The following PAX8 variants were observed in gnomAD, a reference collection of about 807,000 sequenced individuals.
PAX8 encodes paired box protein Pax-8.
In PAX8, 15 loss-of-function variants were observed where a neutral mutation model predicts 52.4. That is an observed-to-expected ratio of 0.29 (90% confidence interval 0.19 to 0.44). The LOEUF (loss-of-function observed/expected upper bound fraction) is 0.44, where lower values mean the gene tolerates loss of function less well. PAX8 is among the 20% of genes least tolerant of loss of function. PAX8 has a pLI of 1.00. For synonymous variants in PAX8, 284 were observed against 249.7 expected, an observed-to-expected ratio of 1.14 and a Z score of -1.29; for missense variants, 554 against 602.5, an observed-to-expected ratio of 0.92 and a Z score of 0.84.
chr2:113,265,458 G>C (rs1420954540), intron 2 of PAX8: 1 of 152,386 alleles, frequency 6.6e-6, no homozygotes, highest in Non-Finnish European at 1.5e-5. Context: ...TGTTCCCATT[G>C]CTGTCTCCTT....
In PAX8 at chr2:113,242,116, C is replaced by T; in HGVS notation, c.493G>A (p.Val165Ile). 6.2e-7 allele frequency: 1 copy of T among 1,613,614 alleles called. No individual in the cohort carries two copies. The highest frequency in any genetic ancestry group is 2.2e-5 in the East Asian group (1 of 44,840). The change falls in exon 6 of 12, where the codon GTA becomes ATA. Residue 165 changes from valine (V) to isoleucine (I), a missense_variant. Physicochemically the swap from Val to Ile is conservative, Grantham distance 29. Coordinates refer to ENST00000429538, the MANE Select transcript of PAX8 (RefSeq NM_003466.4). ...PGHTLIPSSA[V>I]TPPESPQSDS... ...GACTGGGGTGACTCCGGGGGAGTTA[C>T]AGCTGAGCTGGGGACTGCAGTGGGG...
intron 8 of PAX8, 51 bp downstream of exon 8, chr2:113,236,550 G>GA: frequency 6.5e-7 from 1 of 1,535,314 alleles, no homozygotes; most frequent in Non-Finnish European, 8.8e-7. Context: ...AGCCAGCCAA[G>GA]CTCTTCAGTC....
chr2:113,261,451 G>C (rs1469777465), intron 2 of PAX8, among the ~76,000 whole-genome samples: 1 of 152,196 alleles, frequency 6.6e-6, no homozygotes, highest in Non-Finnish European at 1.5e-5. Context: ...CACTGGGCGT[G>C]CCATAAGATG....
chr2:113,229,584 T>A (rs1689770744), intron 9 of PAX8, among the ~76,000 whole-genome samples: 1 of 152,214 alleles, frequency 6.6e-6, no homozygotes, highest in Non-Finnish European at 1.5e-5. Flanking sequence ...TACAGGTGTG[T>A]TCAGTTTACC....
chr2:113,260,496 G>A (rs1573519385), intron 2 of PAX8, among the ~76,000 whole-genome samples: 1 of 151,682 alleles, frequency 6.6e-6, no homozygotes, highest in East Asian at 1.9e-4. Flanking sequence ...CTCAGAGATG[G>A]GTAAGGAGGG....
chr2:113,242,503 T>C (rs1375427698), intron 5 of PAX8, among the ~76,000 whole-genome samples, 187 bp downstream of exon 5: 2 of 152,134 alleles, frequency 1.3e-5, no homozygotes, highest in Admixed American at 6.5e-5. Flanking sequence ...GTTCAGTGAA[T>C]CTGCCCTGGG....
chr2:113,219,171 G>A (rs958605281), intron 11 of PAX8, among the ~76,000 whole-genome samples: 2 of 152,174 alleles, frequency 1.3e-5, no homozygotes, highest in Admixed American at 6.5e-5. Context: ...TGAATGGAAA[G>A]CTGGGTTGGA....
rs1692952712 is a variant in PAX8, at chr2:113,264,988, T to G, written c.25+13382A>C. On this transcript the variant is annotated intron_variant, in intron 2 of 11. Coordinates refer to ENST00000429538, the MANE Select transcript of PAX8 (RefSeq NM_003466.4). ...GAGGTAGGAGAAAGTCTTCTCGGAT[T>G]GTACATCAGCAGTTTGCCTGAAAAT... 5.3e-5 allele frequency among the ~76,000 whole-genome samples: 8 copies of G among 152,334 alleles called. No individual in the cohort carries two copies. The South Asian group carries it at 1.7e-3, about 32-fold the overall frequency.
intron 2 of PAX8, chr2:113,273,064 G>A (rs1693571587): frequency 6.6e-6 from 1 of 152,140 alleles, no homozygotes; most frequent in Non-Finnish European, 1.5e-5. Context: ...CAGAACCATA[G>A]AGCTCAAAGC....
chr2:113,273,213 C>T (rs925677528), intron 2 of PAX8: 4 of 152,234 alleles, frequency 2.6e-5, no homozygotes, highest in African/African-American at 7.2e-5. Flanking sequence ...GCAAGCTCCT[C>T]GCTGAGATTA....
intron 7 of PAX8, 166 bp downstream of exon 7, chr2:113,241,385 A>G (rs187010866): frequency 5.3e-5 from 39 of 732,448 alleles, no homozygotes; most frequent in Middle Eastern, 2.7e-4. Context: ...ATGCCAGGGC[A>G]TCTGGTAAAA....
intron 7 of PAX8, chr2:113,240,483 C>A (rs1260603624): frequency 6.6e-6 from 1 of 152,244 alleles, no homozygotes; most frequent in Non-Finnish European, 1.5e-5. Context: ...GGGCAACAGA[C>A]CCACCCTGAA....
intron 2 of PAX8, among the ~76,000 whole-genome samples, chr2:113,256,300 CTG>C (rs909806420): frequency 1.2e-4 from 18 of 152,212 alleles, no homozygotes; most frequent in African/African-American, 3.4e-4. Context: ...AGGGAAGAAA[CTG>C]GAGTTATCAG....
intron 9 of PAX8, among the ~76,000 whole-genome samples, chr2:113,235,086 T>A (rs1487855199): frequency 6.6e-6 from 1 of 152,186 alleles, no homozygotes; most frequent in African/African-American, 2.4e-5. Context: ...TCCTTCTATC[T>A]ATTTATGCAT....
intron 2 of PAX8, among the ~76,000 whole-genome samples, chr2:113,262,963 A>C (rs954799416): frequency 5.9e-5 from 9 of 152,222 alleles, no homozygotes; most frequent in Non-Finnish European, 1.5e-5. Context: ...TAGCAAACGC[A>C]TGCACAGATC....
intron 10 of PAX8, 99 bp downstream of exon 10, chr2:113,227,056 C>T (rs1689621873): frequency 2.0e-6 from 3 of 1,535,608 alleles, no homozygotes; most frequent in Admixed American, 2.0e-5. Flanking sequence ...TTTGGGAAGT[C>T]TATGAATAGG....
intron 10 of PAX8, among the ~76,000 whole-genome samples, chr2:113,221,194 C>T (rs1390483813): frequency 6.6e-6 from 1 of 152,202 alleles, no homozygotes; most frequent in Non-Finnish European, 1.5e-5. Context: ...GAGTAGAACT[C>T]GACCTTAGGG....
In PAX8 at chr2:113,244,514, G is replaced by C; in HGVS notation, c.302C>G (p.Thr101Ser). The C allele has an allele frequency of 6.2e-7, 1 of 1,614,162 alleles. No individual in the cohort carries two copies. The highest frequency in any genetic ancestry group is 8.5e-7 in the Non-Finnish European group (1 of 1,179,996). The change falls in exon 4 of 12, where the codon ACC (threonine) becomes AGC (serine). Residue 101 changes from threonine (T) to serine (S), a missense_variant. Coordinates refer to ENST00000429538, the MANE Select transcript of PAX8 (RefSeq NM_003466.4). ...KIGDYKRQNP[T>S]MFAWEIRDRL... ...GTCTCGGATCTCCCAGGCAAACATG[G>C]TAGGGTTCTGGCGTTTGTAGTCCCC...
chr2:113,245,342 A>C (rs1003694867), intron 3 of PAX8, among the ~76,000 whole-genome samples: 8 of 152,146 alleles, frequency 5.3e-5, no homozygotes, highest in African/African-American at 1.9e-4. Flanking sequence ...CACCATGCCC[A>C]GCCAATGACT....
Sources: allele counts gnomAD v4.1 joint callset (sites outside exome capture counted in the v4.1 genomes callset), GRCh38; gene constraint gnomAD v4.1.1; transcripts MANE v1.5; gene names NCBI Gene and HGNC (gene_info 2026-07-23, HGNC 2026-07-21).